Variants in NUP35 observed in about 807,000 individuals in gnomAD.
The protein encoded by NUP35 is nucleoporin 35.
In NUP35, 25 loss-of-function variants were observed where a neutral mutation model predicts 41.5. That is an observed-to-expected ratio of 0.60 (90% CI 0.44 to 0.84). The LOEUF is 0.84. NUP35 is among the 40% of genes least tolerant of loss of function. The pLI, the probability that NUP35 is intolerant of heterozygous loss-of-function variation, is 0.00. For missense variants in NUP35, 396 were observed against 396.6 expected (o/e 1.00, Z 0.01); for synonymous variants, 149 against 130.7 (o/e 1.14, Z -0.96).
At position 183,160,641 on chromosome 2, in the gene NUP35, A is replaced by G. The variant is rs1333592793; in HGVS notation, c.904-413A>G. 2 of 152,228 alleles carry G rather than the reference A, an allele frequency of 1.3e-5. 1 individual carries two copies. Among genetic ancestry groups the G allele is most frequent in the Admixed American group, 1.3e-4 (2 of 15,282 alleles). The allele number at this position is 152,228 out of a possible 1,614,324, so 9.4% of individuals were successfully genotyped here. ...TAATCTGCCCACCTTGGCCTCCCAA[A>G]GTGCTGGGATTACAGACCTGAGCCA... is the stretch of plus-strand genomic sequence containing the variant. On this transcript the variant is annotated intron_variant, in intron 8 of 8. Coordinates refer to ENST00000295119, the MANE Select transcript of NUP35 (RefSeq NM_138285.5).
At chr2:183,130,866 A>G in intron 3 of NUP35, 5 of 763,566 alleles carry the variant, frequency 6.5e-6, no homozygotes, top group Non-Finnish European at 8.6e-6. Context: ...TGATTGTTTA[A>G]GAAGTTTAAT....
intron 4 of NUP35, among the ~76,000 whole-genome samples, chr2:183,138,636 C>G (rs764810257): frequency 8.5e-5 from 13 of 152,110 alleles, no homozygotes; most frequent in Admixed American, 2.0e-4. Context: ...TTTCCCCATC[C>G]TCATCCCTGA....
chr2:183,145,959 T>C (rs929923354), intron 4 of NUP35, among the ~76,000 whole-genome samples: 2 of 152,198 alleles, frequency 1.3e-5, no homozygotes, highest in Non-Finnish European at 2.9e-5. Context: ...AAATCTGCTG[T>C]GCATGGTAGC....
In NUP35 at chr2:183,154,466, C is replaced by T. The variant is rs1161617631; in HGVS notation, c.539+2817C>T. 2.0e-5 allele frequency among the ~76,000 whole-genome samples: 3 copies of T among 152,168 alleles called. No homozygotes were observed. In the East Asian group the frequency reaches 5.8e-4, roughly 29 times the overall value. ...GCTTAGAAATTTCTTCCACCAGATA[C>T]CTTAAATCATCTCTTTCAAGTTCAA... On this transcript the variant is annotated intron_variant, in intron 5 of 8. Coordinates refer to ENST00000295119, the MANE Select transcript of NUP35 (RefSeq NM_138285.5).
Position 183,130,432 on chromosome 2 carries a change from C to T in NUP35, c.226C>T (p.Gln76Ter). ...GTACACTGTAGGTGGGTCACCACCA[C>T]AACCAGTTGTACCAGCTCATAAAGA... The part of the protein sequence containing the change: ...SPLLAGGSPP[Q>*]PVVPAHKDKS... The change falls in exon 3 of 9, where the codon CAA (glutamine) becomes TAA (stop). Residue 76 changes from glutamine to a stop codon, truncating the protein, a stop_gained. Transcript: ENST00000295119. LOFTEE classifies it high-confidence loss of function. The T allele has an allele frequency of 6.3e-7, 1 of 1,586,772 alleles. No individual in the cohort carries two copies. Among genetic ancestry groups the T allele is most frequent in the Non-Finnish European group, 8.5e-7 (1 of 1,170,112 alleles).
At position 183,124,644 on chromosome 2, in the gene NUP35, C is replaced by T. The variant is rs551930416; in HGVS notation, c.40+147C>T. The T allele has an allele frequency of 4.1e-5, 41 of 1,008,030 alleles. No homozygotes were observed. The East Asian group carries it at 7.8e-4, about 19-fold the overall frequency. The allele number at this position is 1,008,030 out of a possible 1,614,324, so 62.4% of individuals were successfully genotyped here. ...CCTTGGGTGCCCCCAAGTTCATAGT[C>T]GGTCCCCTACTCGACGCGTCGCCTC... On this transcript the variant is annotated intron_variant, in intron 1 of 8. Coordinates refer to ENST00000295119, the MANE Select transcript of NUP35 (RefSeq NM_138285.5).
rs527342705 is a variant in NUP35, at chr2:183,151,438, T to C, written c.398-70T>C. The C allele has an allele frequency of 5.5e-6, 8 of 1,464,192 alleles. No homozygotes were observed. In the South Asian group the frequency reaches 9.8e-5, roughly 18 times the overall value. 90.7% of individuals were successfully genotyped at this position (1,464,192 alleles called of 1,614,324 possible). A position where few individuals can be genotyped will look rare whatever the true frequency, so the allele number is the denominator to read the frequency against. Reference sequence around the variant, plus strand: ...TTTATTAGACTTTATCATTTAAAACTAAGATTTTTGATTTAGAATCAATCG... The same window carrying C: ...TTTATTAGACTTTATCATTTAAAACCAAGATTTTTGATTTAGAATCAATCG... On this transcript the variant is annotated intron_variant, in intron 4 of 8. Transcript: ENST00000295119.
intron 4 of NUP35, among the ~76,000 whole-genome samples, chr2:183,147,471 C>CT (rs1397491525): frequency 6.6e-6 from 1 of 152,080 alleles, no homozygotes; most frequent in African/African-American, 2.4e-5. Flanking sequence ...TTTTTGCCAA[C>CT]TTTGTCAAAG....
chr2:183,146,269 T>C (rs1052419699), intron 4 of NUP35, among the ~76,000 whole-genome samples: 2 of 152,186 alleles, frequency 1.3e-5, no homozygotes, highest in African/African-American at 4.8e-5. Flanking sequence ...CTTACTTCTT[T>C]AGGGTTGCTA....
At chr2:183,161,004 A>G in intron 8 of NUP35, 50 bp from the exon 9 acceptor site, 1 of 1,391,066 alleles carries the variant, frequency 7.2e-7, no homozygotes, top group South Asian at 1.2e-5. Flanking sequence ...TGCCTATGAC[A>G]CTGAAGTAAC....
intron 1 of NUP35, 123 bp from the exon 2 acceptor site, chr2:183,128,164 T>C: frequency 1.8e-6 from 1 of 552,074 alleles, no homozygotes; most frequent in Admixed American, 3.8e-5. Context: ...ACTATGGTTC[T>C]ATTATATCTA....
At chr2:183,138,245 CTATATATATA>C (rs1208421272) in intron 4 of NUP35, among the ~76,000 whole-genome samples, 52 of 112,690 alleles carry the variant, frequency 4.6e-4, no homozygotes, top group African/African-American at 1.9e-3. Context: ...TCATTTAGAG[CTATATATATA>C]TATATATATA....
At chr2:183,126,581 CA>C (rs1465747901) in intron 1 of NUP35, among the ~76,000 whole-genome samples, 1 of 151,646 alleles carries the variant, frequency 6.6e-6, no homozygotes, top group African/African-American at 2.4e-5. Flanking sequence ...AAAATAATTA[CA>C]ATGTAATTAG....
intron 4 of NUP35, among the ~76,000 whole-genome samples, chr2:183,137,789 G>GA (rs35751374): frequency 6.0e-4 from 84 of 139,754 alleles, no homozygotes; most frequent in Admixed American, 2.8e-3. Flanking sequence ...AGACCTCAAA[G>GA]AAAAAAAAAA....
intron 4 of NUP35, among the ~76,000 whole-genome samples, chr2:183,138,245 C>CTATATATATATATATATATATATA (rs1208421272): frequency 1.8e-5 from 2 of 112,688 alleles, no homozygotes; most frequent in African/African-American, 7.5e-5. Flanking sequence ...TCATTTAGAG[C>CTATATATATATATATATATATATA]TATATATATA....
intron 5 of NUP35, among the ~76,000 whole-genome samples, chr2:183,153,208 A>G (rs1285073903): frequency 1.3e-5 from 2 of 152,194 alleles, no homozygotes; most frequent in East Asian, 3.9e-4. Flanking sequence ...ATATAATTTG[A>G]GTTGAGATGT....
intron 8 of NUP35, chr2:183,160,065 C>T (rs1303310883): frequency 6.3e-6 from 1 of 157,912 alleles, no homozygotes; most frequent in Non-Finnish European, 1.4e-5. Context: ...ATTGACCAAC[C>T]TCCAGACAGA....
chr2:183,138,273 T>A (rs1298727030), intron 4 of NUP35, among the ~76,000 whole-genome samples: 278 of 88,756 alleles, frequency 3.1e-3, no homozygotes, highest in Admixed American at 0.013. Context: ...ATATATATTT[T>A]TTTTTTTTTT....
intron 4 of NUP35, among the ~76,000 whole-genome samples, chr2:183,138,245 C>CTATATATATATATA (rs1208421272): frequency 4.4e-5 from 5 of 112,682 alleles, no homozygotes; most frequent in African/African-American, 1.5e-4. Context: ...TCATTTAGAG[C>CTATATATATATATA]TATATATATA....
Sources: gnomAD v4.1 joint callset for allele counts (sites outside exome capture counted in the v4.1 genomes callset) on GRCh38, gnomAD v4.1.1 for gene constraint, MANE v1.5 for transcripts, NCBI Gene and HGNC (gene_info 2026-07-23, HGNC 2026-07-21) for gene names.